Variants in DNAJC1 observed in about 807,000 individuals in gnomAD.
DNAJC1 encodes dnaJ homolog subfamily C member 1.
Under a neutral mutation model 76.6 loss-of-function variants are expected in DNAJC1, and 58 were observed. The observed-to-expected ratio is 0.76, with a 90% confidence interval of 0.61 to 0.94. The LOEUF (loss-of-function observed/expected upper bound fraction) is 0.94. Ranked by LOEUF, DNAJC1 falls within the 40% of genes least tolerant of loss-of-function variation. The pLI is 0.00. For synonymous variants in DNAJC1, 258 were observed against 267.9 expected, an observed-to-expected ratio of 0.96 and a Z score of 0.36; for missense variants, 689 against 677.3, an observed-to-expected ratio of 1.02 and a Z score of -0.19.
chr10:21,801,091 C>A (rs1834808180), intron 9 of DNAJC1, among the ~76,000 whole-genome samples: 1 of 152,022 alleles, frequency 6.6e-6, no homozygotes, highest in South Asian at 2.1e-4. Flanking sequence ...ATAATGGTTG[C>A]CTATCTACTT....
At chr10:21,892,590 T>C (rs1291337770) in intron 7 of DNAJC1, among the ~76,000 whole-genome samples, 1 of 151,966 alleles carries the variant, frequency 6.6e-6, no homozygotes. Flanking sequence ...TATAAACACA[T>C]GGTTTTTCAT....
intron 5 of DNAJC1, among the ~76,000 whole-genome samples, chr10:21,919,343 G>A (rs1356809697): frequency 6.6e-6 from 1 of 151,958 alleles, no homozygotes; most frequent in Non-Finnish European, 1.5e-5. Context: ...ATTACTCACT[G>A]ATGTCATCAG....
At chr10:21,783,857 A>C (rs1167707972) in intron 9 of DNAJC1, among the ~76,000 whole-genome samples, 2 of 152,254 alleles carry the variant, frequency 1.3e-5, no homozygotes, top group African/African-American at 4.8e-5. Context: ...ATATGTAGAA[A>C]GCTGAAACTG....
At chr10:21,980,654 C>T (rs1020646978) in intron 1 of DNAJC1, among the ~76,000 whole-genome samples, 1 of 152,068 alleles carries the variant, frequency 6.6e-6, no homozygotes, top group Non-Finnish European at 1.5e-5. Flanking sequence ...AACACTGTAA[C>T]AGTGTTAATG....
At chr10:21,859,610 T>A (rs998642965) in intron 8 of DNAJC1, among the ~76,000 whole-genome samples, 1 of 152,000 alleles carries the variant, frequency 6.6e-6, no homozygotes, top group Non-Finnish European at 1.5e-5. Flanking sequence ...AGGGGTTACA[T>A]AGACATAGGG....
In DNAJC1 at chr10:21,868,962, T is replaced by C. The variant is rs143496776; in HGVS notation, c.978+13320A>G. On this transcript the variant is annotated intron_variant, in intron 8 of 11. Coordinates refer to ENST00000376980, the MANE Select transcript of DNAJC1 (RefSeq NM_022365.4). ...TACCAAATTCCAACCTTTGGTATAT[T>C]ATCACAAGAAAGGAACAGGGCTTAA... Among the ~76,000 whole-genome samples the C allele has an allele frequency of 6.5e-3, 991 of 152,122 alleles. 5 individuals carry two copies. Among genetic ancestry groups the C allele is most frequent in the Non-Finnish European group, 0.011 (754 of 68,010 alleles).
intron 8 of DNAJC1, among the ~76,000 whole-genome samples, chr10:21,829,829 G>A (rs1835327639): frequency 2.0e-5 from 3 of 152,164 alleles, no homozygotes; most frequent in Admixed American, 2.0e-4. Context: ...CTTAATTTAT[G>A]CCATTTACCA....
At position 21,913,869 on chromosome 10, in the gene DNAJC1, T is replaced by G. The variant is rs1027257251; in HGVS notation, c.729+4910A>C. 2.6e-5 allele frequency among the ~76,000 whole-genome samples: 4 copies of G among 152,324 alleles called. No individual in the cohort carries two copies. The East Asian group carries it at 5.8e-4, about 22-fold the overall frequency. On this transcript the variant is annotated intron_variant, in intron 6 of 11. Coordinates refer to ENST00000376980, the MANE Select transcript of DNAJC1 (RefSeq NM_022365.4). Reference sequence around the variant, plus strand: ...TTGATATAGTCCAAGTTCCTTGTTATATACTAACTCATACCCACATCTTCT... The same window carrying G: ...TTGATATAGTCCAAGTTCCTTGTTAGATACTAACTCATACCCACATCTTCT...
chr10:21,845,424 G>A (rs937321877), intron 8 of DNAJC1, among the ~76,000 whole-genome samples: 4 of 149,242 alleles, frequency 2.7e-5, no homozygotes, highest in South Asian at 2.1e-4. Flanking sequence ...GTGTGATCTC[G>A]GCTCACTGCA....
At position 21,917,882 on chromosome 10, in the gene DNAJC1, A is replaced by T. The variant is rs1222747450; in HGVS notation, c.729+897T>A. Among the ~76,000 whole-genome samples the T allele has an allele frequency of 2.6e-5, 4 of 152,072 alleles. No homozygotes were observed. In the East Asian group the frequency reaches 7.7e-4, roughly 29 times the overall value. Reference sequence around the variant, plus strand: ...ATATAAAATTTTCATTATGAGAAAAATAAAGGAAAATGCAGAAGTTGTAGT... The same window carrying T: ...ATATAAAATTTTCATTATGAGAAAATTAAAGGAAAATGCAGAAGTTGTAGT... On this transcript the variant is annotated intron_variant, in intron 6 of 11. Transcript: ENST00000376980.
rs150902818 is a variant in DNAJC1, at chr10:21,767,024, T to C, written c.1099-715A>G. Among the ~76,000 whole-genome samples, 36 of 152,220 alleles carry C rather than the reference T, an allele frequency of 2.4e-4. No homozygotes were observed. The East Asian group carries it at 6.6e-3, about 28-fold the overall frequency. ...TTTCATTATGCAAACAGGTCATTTT[T>C]TAAACCTAGAATTTCCAGAAATGGA... is the stretch of plus-strand genomic sequence containing the variant. On this transcript the variant is annotated intron_variant, in intron 9 of 11. Coordinates refer to ENST00000376980, the MANE Select transcript of DNAJC1 (RefSeq NM_022365.4).
chr10:21,980,278 A>G (rs756244072), intron 1 of DNAJC1, among the ~76,000 whole-genome samples: 15 of 152,036 alleles, frequency 9.9e-5, no homozygotes, highest in Non-Finnish European at 2.1e-4. Flanking sequence ...GAAAATAGTA[A>G]TTTTACGGTG....
At chr10:21,790,845 A>C (rs1035102810) in intron 9 of DNAJC1, among the ~76,000 whole-genome samples, 1 of 152,200 alleles carries the variant, frequency 6.6e-6, no homozygotes, top group South Asian at 2.1e-4. Context: ...ACAATGAACA[A>C]AATGACAGGA....
intron 1 of DNAJC1, among the ~76,000 whole-genome samples, chr10:21,983,087 T>C (rs536638638): frequency 1.3e-5 from 2 of 152,264 alleles, no homozygotes; most frequent in East Asian, 1.9e-4. Flanking sequence ...AGAATTACTA[T>C]ATGATCCAGC....
chr10:21,775,733 A>C (rs1474697998), intron 9 of DNAJC1, among the ~76,000 whole-genome samples: 3 of 152,076 alleles, frequency 2.0e-5, no homozygotes, highest in Non-Finnish European at 4.4e-5. Flanking sequence ...TTTTTATATC[A>C]TGTGCAGTTT....
intron 8 of DNAJC1, among the ~76,000 whole-genome samples, chr10:21,813,202 C>CTCTG (rs1453408729): frequency 3.8e-5 from 3 of 79,530 alleles, no homozygotes; most frequent in African/African-American, 2.1e-4. Context: ...CTCTCTCTCT[C>CTCTG]TCTCTCTCTC....
At chr10:21,767,280 A>G (rs1223806248) in intron 9 of DNAJC1, among the ~76,000 whole-genome samples, 1 of 152,030 alleles carries the variant, frequency 6.6e-6, no homozygotes, top group East Asian at 1.9e-4. Flanking sequence ...CCACAGAAAG[A>G]ATTTGGTCTG....
intron 8 of DNAJC1, among the ~76,000 whole-genome samples, chr10:21,815,972 G>A (rs894119572): frequency 2.0e-5 from 3 of 151,630 alleles, no homozygotes; most frequent in Non-Finnish European, 2.9e-5. Context: ...TCGAACTCCT[G>A]ACCTCAAGTG....
chr10:21,834,485 G>A (rs911201485), intron 8 of DNAJC1, among the ~76,000 whole-genome samples: 21 of 152,158 alleles, frequency 1.4e-4, no homozygotes, highest in African/African-American at 3.4e-4. Context: ...AGGACAGTAG[G>A]TGCAGCGCAC....
Sources: gnomAD v4.1 joint callset for allele counts (sites outside exome capture counted in the v4.1 genomes callset) on GRCh38, gnomAD v4.1.1 for gene constraint, MANE v1.5 for transcripts, NCBI Gene and HGNC (gene_info 2026-07-23, HGNC 2026-07-21) for gene names.